Variants in ABHD17A observed in about 807,000 individuals in gnomAD.
ABHD17A encodes the protein abhydrolase domain containing 17A, depalmitoylase, also known as alpha/beta hydrolase domain-containing protein 17A.
A neutral mutation model predicts 26.8 loss-of-function variants in ABHD17A; 10 were observed. The observed-to-expected ratio is 0.37, with a 90% confidence interval of 0.23 to 0.63. ABHD17A has a LOEUF of 0.63. ABHD17A is among the 30% of genes least tolerant of loss of function. ABHD17A has a pLI of 0.61. For synonymous variants in ABHD17A, 167 were observed against 210.9 expected (o/e 0.79, Z 1.80); for missense variants, 292 against 457.3 (o/e 0.64, Z 3.30).
At chr19:1,884,762 G>C (rs1055878742) in intron 1 of ABHD17A, among the ~76,000 whole-genome samples, 6 of 152,192 alleles carry the variant, frequency 3.9e-5, no homozygotes, top group Admixed American at 1.3e-4. Flanking sequence ...CTAAGAGAGA[G>C]CCTGGGACGG....
intron 1 of ABHD17A, chr19:1,883,390 G>T (rs962600387): frequency 6.6e-6 from 1 of 152,442 alleles, no homozygotes; most frequent in African/African-American, 2.4e-5. Context: ...CGTCGAGGTT[G>T]ATGTCAGCTT....
At position 1,881,704 on chromosome 19, in the gene ABHD17A, A is replaced by C. The variant is rs1396733815; in HGVS notation, c.-138T>G. The C allele has an allele frequency of 7.9e-7, 1 of 1,265,008 alleles. No individual in the cohort carries two copies. Among genetic ancestry groups the C allele is most frequent in the Non-Finnish European group, 1.0e-6 (1 of 971,442 alleles). 78.4% of individuals were successfully genotyped at this position (1,265,008 alleles called of 1,614,324 possible). A position where few individuals can be genotyped will look rare whatever the true frequency, so the allele number is the denominator to read the frequency against. On this transcript the variant is annotated 5_prime_UTR_variant, in exon 2 of 5. Coordinates refer to ENST00000292577, the MANE Select transcript of ABHD17A (RefSeq NM_001130111.2). ...CGCCCCCCCAGCTACCGCCCCAGACAGCAGCCCCGTTAGGAGGCCAGGGCC... is the reference window on the plus strand; with the variant it reads ...CGCCCCCCCAGCTACCGCCCCAGACCGCAGCCCCGTTAGGAGGCCAGGGCC...
chr19:1,879,978 G>A lies in ABHD17A; in HGVS notation c.470C>T (p.Pro157Leu). Residue 157 changes from proline to leucine, a missense_variant, in exon 3 of 5, where the codon CCT becomes CTT. Around this residue, in one of 4 missense-constraint regions of ABHD17A, gnomAD observed 25 missense variants for 40.3 expected, o/e 0.62. Coordinates refer to ENST00000292577, the MANE Select transcript of ABHD17A (RefSeq NM_001130111.2). This position sits in a 1 kb window ranked among gnomAD's most constrained non-coding sequence, Gnocchi z 7.6. The stretch of plus-strand genomic sequence containing the variant: ...GTCGGCATAGAGGTTCCTCTCGGAA[G>A]GCCTGCCCGAGCTGGCACCGTAGCC... ...YSGYGASSGR[P>L]SERNLYADID... 4 of 1,613,176 alleles carry A rather than the reference G, an allele frequency of 2.5e-6. No homozygotes were observed. Among genetic ancestry groups the A allele is most frequent in the Non-Finnish European group, 3.4e-6 (4 of 1,180,000 alleles).
At position 1,880,054 on chromosome 19, in the gene ABHD17A, T is replaced by C. The variant is rs376776483; in HGVS notation, c.394A>G (p.Ile132Val). 103 of 1,613,096 alleles carry C rather than the reference T, an allele frequency of 6.4e-5. 1 individual carries two copies. The South Asian group carries it at 6.5e-4, about 10-fold the overall frequency. Residue 132 changes from isoleucine (I) to valine (V), a missense_variant, in exon 3 of 5, where the codon ATT becomes GTT. Physicochemically the swap from Ile to Val is conservative, Grantham distance 29. Around this residue, in one of 4 missense-constraint regions of ABHD17A, gnomAD observed 171 missense variants for 216.1 expected, o/e 0.79. Coordinates refer to ENST00000292577, the MANE Select transcript of ABHD17A (RefSeq NM_001130111.2). This position sits in a 1 kb window ranked among gnomAD's most constrained non-coding sequence, Gnocchi z 4.1. Reference protein sequence around the residue: ...VDLGQMSSFYIGLGSRLHCNI... With the variant: ...VDLGQMSSFYVGLGSRLHCNI... Reference sequence around the variant, plus strand: ...CAGTGGAGGCGGGAGCCCAGGCCAATGTAGAAGCTGCTCATCTGGCCCAGG... The same window carrying C: ...CAGTGGAGGCGGGAGCCCAGGCCAACGTAGAAGCTGCTCATCTGGCCCAGG...
In ABHD17A at chr19:1,880,784, G is replaced by C; in HGVS notation, c.332+451C>G. ...GCCCCAGGTGGTGCCAGGAGCAGGTGGCCAGGCTGGCCCTGCCATGGACTG... is the reference window on the plus strand; with the variant it reads ...GCCCCAGGTGGTGCCAGGAGCAGGTCGCCAGGCTGGCCCTGCCATGGACTG... On this transcript the variant is annotated intron_variant, in intron 2 of 4. Transcript: ENST00000292577. This position sits in a 1 kb window ranked among gnomAD's most constrained non-coding sequence, Gnocchi z 4.1. 3.4e-6 allele frequency: 5 copies of C among 1,467,504 alleles called. No individual in the cohort carries two copies. Among genetic ancestry groups the C allele is most frequent in the Non-Finnish European group, 4.6e-6 (5 of 1,085,276 alleles). The allele number at this position is 1,467,504 out of a possible 1,614,324, so 90.9% of individuals were successfully genotyped here. A position where few individuals can be genotyped will look rare whatever the true frequency, so the allele number is the denominator to read the frequency against.
rs1296984199 is a variant in ABHD17A, at chr19:1,880,507, C to G, written c.333-392G>C. On this transcript the variant is annotated intron_variant, in intron 2 of 4. Coordinates refer to ENST00000292577, the MANE Select transcript of ABHD17A (RefSeq NM_001130111.2). This position sits in a 1 kb window ranked among gnomAD's most constrained non-coding sequence, Gnocchi z 4.1. Reference sequence around the variant, plus strand: ...TTCCTCCTGGAAGAACCTGGACCCCCGGGGATGGAGCGCACAGGCCCACCT... The same window carrying G: ...TTCCTCCTGGAAGAACCTGGACCCCGGGGGATGGAGCGCACAGGCCCACCT... 6.6e-5 allele frequency among the ~76,000 whole-genome samples: 10 copies of G among 152,320 alleles called. No homozygotes were observed. Among genetic ancestry groups the G allele is most frequent in the Non-Finnish European group, 1.3e-4 (9 of 68,026 alleles).
intron 2 of ABHD17A, 126 bp downstream of exon 2, chr19:1,881,109 G>C: frequency 6.4e-7 from 1 of 1,570,054 alleles, no homozygotes. Flanking sequence ...ACCCTTGCTG[G>C]CTGGATGGCC....
In ABHD17A at chr19:1,877,434, G is replaced by A. The variant is rs1315956829; in HGVS notation, c.708-9C>T. On this transcript the variant is annotated splice_polypyrimidine_tract_variant and intron_variant, in intron 4 of 4. Transcript: ENST00000292577. ...TGGACACCTTCTCGATGCTGCGGGA[G>A]GGTCGTGGAGCCGGTGAGACTTCGC... 2 of 1,564,044 alleles carry A rather than the reference G, an allele frequency of 1.3e-6. No individual in the cohort carries two copies. The highest frequency in any genetic ancestry group is 1.7e-6 in the Non-Finnish European group (2 of 1,161,714).
Position 1,880,230 on chromosome 19 carries a change from T to G in ABHD17A, c.333-115A>C, listed in dbSNP as rs1478467871. ...GGCCAGCCATGCCCAGTGCCTCATT[T>G]ACTCCCCTCCCAAGGGGGCCAGAAG... On this transcript the variant is annotated intron_variant, in intron 2 of 4. Coordinates refer to ENST00000292577, the MANE Select transcript of ABHD17A (RefSeq NM_001130111.2). This position sits in a 1 kb window ranked among gnomAD's most constrained non-coding sequence, Gnocchi z 4.1. The G allele has an allele frequency of 9.0e-7, 1 of 1,115,410 alleles. No individual in the cohort carries two copies. Among genetic ancestry groups the G allele is most frequent in the Non-Finnish European group, 1.3e-6 (1 of 770,924 alleles). The allele number at this position is 1,115,410 out of a possible 1,614,324, so 69.1% of individuals were successfully genotyped here. A position where few individuals can be genotyped will look rare whatever the true frequency, so the allele number is the denominator to read the frequency against.
At position 1,876,825 on chromosome 19, in the gene ABHD17A, C is replaced by T; in HGVS notation, c.*375G>A. 1 of 251,622 alleles carries T rather than the reference C, an allele frequency of 4.0e-6. No individual in the cohort carries two copies. Among genetic ancestry groups the T allele is most frequent in the South Asian group, 4.4e-5 (1 of 22,778 alleles). The allele number at this position is 251,622 out of a possible 1,614,324, so 15.6% of individuals were successfully genotyped here. A position where few individuals can be genotyped will look rare whatever the true frequency, so the allele number is the denominator to read the frequency against. On this transcript the variant is annotated 3_prime_UTR_variant, in exon 5 of 5. Coordinates refer to ENST00000292577, the MANE Select transcript of ABHD17A (RefSeq NM_001130111.2). ...GGGCTCCCCGGACTAGACAGAGACC[C>T]ACCCCACTTCCGCAGAGTAAAACCT... is the stretch of plus-strand genomic sequence containing the variant.
intron 1 of ABHD17A, among the ~76,000 whole-genome samples, chr19:1,884,822 G>C (rs2012632772): frequency 6.6e-6 from 1 of 152,158 alleles, no homozygotes; most frequent in Non-Finnish European, 1.5e-5. Context: ...AGAAATGGCG[G>C]GGCCGCGAAG....
rs1366181741 is a variant in ABHD17A at position 1,881,467 on chromosome 19, T to G, written c.100A>C (p.Thr34Pro). 4 of 1,602,176 alleles carry G rather than the reference T, an allele frequency of 2.5e-6. No homozygotes were observed. Among genetic ancestry groups the G allele is most frequent in the African/African-American group, 1.3e-5 (1 of 74,766 alleles). Residue 34 changes from threonine (T) to proline (P), a missense_variant, in exon 2 of 5, where the codon ACC becomes CCC. Transcript: ENST00000292577. ...AKLAFLPPEATYSLVPEPEPG... is the reference protein window; with the variant it reads ...AKLAFLPPEAPYSLVPEPEPG... The stretch of plus-strand genomic sequence containing the variant: ...TCGGGCTCAGGCACCAGGGAGTAGG[T>G]GGCCTCCGGCGGCAGGAAGGCGAGC...
rs1367864871 is a variant in ABHD17A, at chr19:1,877,401, CGT to C, written c.730_731del (p.Thr244ValfsTer137). The C allele has an allele frequency of 1.3e-6, 2 of 1,567,924 alleles. No homozygotes were observed. Among genetic ancestry groups the C allele is most frequent in the Non-Finnish European group, 1.7e-6 (2 of 1,163,990 alleles). ...TGCCGTGGATGATGAGCACGGGAGA[CGT>C]GATCTTGGACACCTTCTCGATGCTG... ...FPNIEKVSKI[T>X]SPVLIIHGTE... On this transcript the variant is annotated frameshift_variant, in exon 5 of 5. Coordinates refer to ENST00000292577, the MANE Select transcript of ABHD17A (RefSeq NM_001130111.2). LOFTEE classifies it high-confidence loss of function.
chr19:1,877,140 G>C lies in ABHD17A; in HGVS notation c.*60C>G. 5.5e-6 allele frequency: 8 copies of C among 1,459,852 alleles called. No individual in the cohort carries two copies. The highest frequency in any genetic ancestry group is 7.4e-6 in the Non-Finnish European group (8 of 1,083,962). The allele number at this position is 1,459,852 out of a possible 1,614,324, so 90.4% of individuals were successfully genotyped here. ...CACATGCAGCCCCTGGGTGGGGGCC[G>C]GCGCGGGGTGAGGTCCGGGGGCCGC... On this transcript the variant is annotated 3_prime_UTR_variant, in exon 5 of 5. Transcript: ENST00000292577.
intron 1 of ABHD17A, among the ~76,000 whole-genome samples, chr19:1,884,661 G>A (rs961609792): frequency 6.6e-6 from 1 of 152,160 alleles, no homozygotes; most frequent in African/African-American, 2.4e-5. Flanking sequence ...AGGGGGATGG[G>A]ACAGAGGGAC....
At chr19:1,882,817 G>A (rs955065636) in intron 1 of ABHD17A, 1 of 152,066 alleles carries the variant, frequency 6.6e-6, no homozygotes, top group Non-Finnish European at 1.5e-5. Context: ...CTGGAGCGAG[G>A]AGAGAGACAC....
At chr19:1,882,965 A>G (rs1388437134) in intron 1 of ABHD17A, 1 of 152,280 alleles carries the variant, frequency 6.6e-6, no homozygotes, top group Non-Finnish European at 1.5e-5. Context: ...TGCAGGCGCC[A>G]CAGACACGGC....
At chr19:1,884,650 C>T (rs2012626717) in intron 1 of ABHD17A, among the ~76,000 whole-genome samples, 1 of 151,920 alleles carries the variant, frequency 6.6e-6, no homozygotes, top group African/African-American at 2.4e-5. Flanking sequence ...GGCCAGGTGA[C>T]AGGGGGATGG....
At position 1,879,230 on chromosome 19, in the gene ABHD17A, G is replaced by T; in HGVS notation, c.527+691C>A. ...AGGTCAGACCAGTGGGCTGGGCAGG[G>T]CCAGGACGAGACAGGCCCAGTGGAT... On this transcript the variant is annotated intron_variant, in intron 3 of 4. Coordinates refer to ENST00000292577, the MANE Select transcript of ABHD17A (RefSeq NM_001130111.2). The surrounding 1 kb of genome is among the most constrained non-coding windows in gnomAD (Gnocchi z 7.6). The T allele has an allele frequency of 6.4e-6, 1 of 155,964 alleles. No homozygotes were observed. The highest frequency in any genetic ancestry group is 1.4e-5 in the Non-Finnish European group (1 of 70,410). The allele number at this position is 155,964 out of a possible 1,614,324, so 9.7% of individuals were successfully genotyped here.
Sources: allele counts gnomAD v4.1 joint callset (sites outside exome capture counted in the v4.1 genomes callset), GRCh38; gene constraint gnomAD v4.1.1; regional missense constraint gnomAD v4.1.1; non-coding constraint Gnocchi (gnomAD v3.1); transcripts MANE v1.5; gene names NCBI Gene and HGNC (gene_info 2026-07-23, HGNC 2026-07-21).